Variants in AUTS2 observed in about 807,000 individuals in gnomAD.
The protein encoded by AUTS2 is activator of transcription and developmental regulator AUTS2.
AUTS2 carries 17 observed loss-of-function variants against 112.4 expected under a neutral mutation model. That is an observed-to-expected ratio of 0.15 (90% CI 0.10 to 0.23). AUTS2 has a LOEUF of 0.23. Ranked by LOEUF, AUTS2 falls within the 10% of genes least tolerant of loss-of-function variation. The pLI is 1.00. For synonymous variants in AUTS2, 751 were observed against 702.7 expected (o/e 1.07, Z -1.09); for missense variants, 1,510 against 1,701.6 (o/e 0.89, Z 1.98).
chr7:69,808,657 A>T (rs576256154), intron 1 of AUTS2, among the ~76,000 whole-genome samples: 1 of 152,164 alleles, frequency 6.6e-6, no homozygotes, highest in East Asian at 1.9e-4. Flanking sequence ...GCCCCACTCT[A>T]ATGTAGCCTG....
Position 69,645,985 on chromosome 7 carries a change from T to C in AUTS2, c.309+46023T>C, listed in dbSNP as rs1423107003. Among the ~76,000 whole-genome samples, 7 of 151,018 alleles carry C rather than the reference T, an allele frequency of 4.6e-5. No homozygotes were observed. The East Asian group carries it at 5.8e-4, about 13-fold the overall frequency. Reference sequence around the variant, plus strand: ...GGTCTGGATTTTTTTTTTTTTTTTTTCTCCTTCTTCCCCTACCTCCTTCCT... The same window carrying C: ...GGTCTGGATTTTTTTTTTTTTTTTTCCTCCTTCTTCCCCTACCTCCTTCCT... On this transcript the variant is annotated intron_variant, in intron 1 of 18. Transcript: ENST00000342771.
chr7:69,610,218 G>A (rs1363541675), intron 1 of AUTS2, among the ~76,000 whole-genome samples: 2 of 152,200 alleles, frequency 1.3e-5, no homozygotes, highest in East Asian at 1.9e-4. Flanking sequence ...TAACACATGC[G>A]ACTGACAAAG....
At chr7:69,947,137 T>C (rs1796846743) in intron 2 of AUTS2, among the ~76,000 whole-genome samples, 1 of 152,208 alleles carries the variant, frequency 6.6e-6, no homozygotes, top group African/African-American at 2.4e-5. Flanking sequence ...AGGGAGCCAT[T>C]GCGGCTTACA....
chr7:70,081,875 A>G (rs1289815927), intron 2 of AUTS2, among the ~76,000 whole-genome samples: 1 of 152,070 alleles, frequency 6.6e-6, no homozygotes, highest in Non-Finnish European at 1.5e-5. Flanking sequence ...TGAAAAATCC[A>G]GTTGATGCCA....
intron 1 of AUTS2, among the ~76,000 whole-genome samples, chr7:69,843,824 CAG>C (rs934431093): frequency 3.9e-5 from 6 of 152,068 alleles, no homozygotes; most frequent in African/African-American, 9.7e-5. Flanking sequence ...AACTGAGATT[CAG>C]AGAGATGAAG....
chr7:69,660,537 T>A (rs1471861031), intron 1 of AUTS2, among the ~76,000 whole-genome samples: 1 of 152,192 alleles, frequency 6.6e-6, no homozygotes, highest in Non-Finnish European at 1.5e-5. Context: ...TAAAACTTAC[T>A]TATTTTGAGT....
chr7:69,815,785 T>C, intron 1 of AUTS2, among the ~76,000 whole-genome samples: 1 of 152,230 alleles, frequency 6.6e-6, no homozygotes, highest in East Asian at 1.9e-4. Flanking sequence ...AGTGCTGGGA[T>C]TACAGGTGTG....
At chr7:70,680,295 T>A (rs1035792033) in intron 5 of AUTS2, among the ~76,000 whole-genome samples, 3 of 152,204 alleles carry the variant, frequency 2.0e-5, no homozygotes, top group Non-Finnish European at 4.4e-5. Flanking sequence ...AGATTATTCA[T>A]CCCAACTGGT....
chr7:70,537,907 C>A (rs1342060243), intron 5 of AUTS2, among the ~76,000 whole-genome samples: 1 of 152,124 alleles, frequency 6.6e-6, no homozygotes, highest in Non-Finnish European at 1.5e-5. Context: ...TGCACGGAGG[C>A]CTGCAAGAAC....
At chr7:70,426,525 C>A (rs1373040620) in intron 4 of AUTS2, among the ~76,000 whole-genome samples, 1 of 152,158 alleles carries the variant, frequency 6.6e-6, no homozygotes, top group South Asian at 2.1e-4. Context: ...TCCCTCCGCT[C>A]ACTTTCTGAG....
In AUTS2 at chr7:70,172,873, A is replaced by T. The variant is rs564008171; in HGVS notation, c.660+38302A>T. ...TCATAGGATTTGGCCCATGAAATTC[A>T]TCACAATTTGTAAACTTTTCTCCAA... On this transcript the variant is annotated intron_variant, in intron 4 of 18. Coordinates refer to ENST00000342771, the MANE Select transcript of AUTS2 (RefSeq NM_015570.4). 4.6e-5 allele frequency among the ~76,000 whole-genome samples: 7 copies of T among 152,220 alleles called. No homozygotes were observed. The East Asian group carries it at 1.3e-3, about 29-fold the overall frequency.
intron 5 of AUTS2, among the ~76,000 whole-genome samples, chr7:70,615,454 G>A (rs1804307234): frequency 6.6e-6 from 1 of 152,146 alleles, no homozygotes; most frequent in Non-Finnish European, 1.5e-5. Flanking sequence ...AGGCCCCTCT[G>A]GGGAAGCAAT....
At chr7:69,611,588 C>A (rs555706403) in intron 1 of AUTS2, among the ~76,000 whole-genome samples, 1 of 152,188 alleles carries the variant, frequency 6.6e-6, no homozygotes, top group South Asian at 2.1e-4. Flanking sequence ...GCATTAAAAT[C>A]TGTTTAACTC....
Position 70,553,330 on chromosome 7 carries a change from G to C in AUTS2, c.690+117549G>C, listed in dbSNP as rs114935999. ...ATTGTTCATGTGCCACAGTTTTTTA[G>C]AAATCTTACAAGAAAATGAAGCACC... On this transcript the variant is annotated intron_variant, in intron 5 of 18. Coordinates refer to ENST00000342771, the MANE Select transcript of AUTS2 (RefSeq NM_015570.4). Among the ~76,000 whole-genome samples, 1,387 of 152,232 alleles carry C rather than the reference G, an allele frequency of 9.1e-3. 19 individuals carry two copies. The highest frequency in any genetic ancestry group is 0.032 in the African/African-American group (1,332 of 41,540).
intron 2 of AUTS2, among the ~76,000 whole-genome samples, chr7:69,910,078 A>G (rs1034010257): frequency 1.3e-5 from 2 of 152,188 alleles, no homozygotes; most frequent in Non-Finnish European, 2.9e-5. Context: ...ATAATTTATC[A>G]TTACCTGTCC....
At chr7:70,267,717 C>T (rs1238649397) in intron 4 of AUTS2, among the ~76,000 whole-genome samples, 1 of 152,154 alleles carries the variant, frequency 6.6e-6, no homozygotes, top group Non-Finnish European at 1.5e-5. Context: ...GAGCTGAGAC[C>T]TCTGATGAAC....
chr7:69,769,087 T>G (rs1166778187), intron 1 of AUTS2, among the ~76,000 whole-genome samples: 1 of 152,254 alleles, frequency 6.6e-6, no homozygotes, highest in Non-Finnish European at 1.5e-5. Flanking sequence ...ATTGATGATG[T>G]CTTGCAAATC....
intron 15 of AUTS2, 75 bp downstream of exon 15, chr7:70,781,831 C>T: frequency 1.3e-6 from 2 of 1,544,776 alleles, no homozygotes; most frequent in South Asian, 1.2e-5. Context: ...GAGGTTTGGG[C>T]TCTGAGCTGC....
At chr7:70,155,115 G>A (rs1038583965) in intron 4 of AUTS2, among the ~76,000 whole-genome samples, 1 of 152,080 alleles carries the variant, frequency 6.6e-6, no homozygotes, top group African/African-American at 2.4e-5. Flanking sequence ...TCTAGAGAGT[G>A]GTCATCTTTG....
Sources: allele counts gnomAD v4.1 joint callset (sites outside exome capture counted in the v4.1 genomes callset), GRCh38; gene constraint gnomAD v4.1.1; transcripts MANE v1.5; gene names NCBI Gene and HGNC (gene_info 2026-07-23, HGNC 2026-07-21).